The following MEIS2 variants were observed in gnomAD, a reference collection of about 807,000 sequenced individuals.
MEIS2 encodes the protein Meis homeobox 2.
A neutral mutation model predicts 58.6 loss-of-function variants in MEIS2; 9 were observed. That is an observed-to-expected ratio of 0.15 (90% CI 0.09 to 0.27). The LOEUF is 0.27. Among genes scored for constraint, MEIS2 ranks in the 10% least tolerant of loss-of-function variants. The pLI, the probability that MEIS2 is intolerant of heterozygous loss-of-function variation, is 1.00. For synonymous variants in MEIS2, 221 were observed against 228.4 expected (o/e 0.97, Z 0.29); for missense variants, 427 against 635.0 (o/e 0.67, Z 3.52).
At position 37,098,152 on chromosome 15, in the gene MEIS2, G is replaced by A. The variant is rs776634531; in HGVS notation, c.60C>T (p.Pro20=). The A allele has an allele frequency of 9.3e-6, 15 of 1,612,056 alleles. No homozygotes were observed. Among genetic ancestry groups the A allele is most frequent in the South Asian group, 2.2e-5 (2 of 90,830 alleles). Residue 20 remains proline, a synonymous_variant, in exon 2 of 12, where the codon CCC becomes CCT. Coordinates refer to ENST00000561208, the MANE Select transcript of MEIS2 (RefSeq NM_170675.5). ...CGTGAGGGTCTCCGTACATGGAAGC[G>A]GGAACCCCTACTCCGTCCATCCCGC... ...HYGGMDGVGV[P]ASMYGDPHAP... is the part of the protein sequence containing the mutation.
intron 8 of MEIS2, among the ~76,000 whole-genome samples, chr15:36,959,971 T>C (rs1404790190): frequency 6.6e-6 from 1 of 151,900 alleles, no homozygotes; most frequent in Non-Finnish European, 1.5e-5. Context: ...TAGAAGGAAA[T>C]GAGGATTAGT....
rs541050398 is a variant in MEIS2, at chr15:37,043,800, G to C, written c.755-6841C>G. Among the ~76,000 whole-genome samples the C allele has an allele frequency of 2.7e-5, 4 of 149,888 alleles. No individual in the cohort carries two copies. The South Asian group carries it at 8.4e-4, about 31-fold the overall frequency. On this transcript the variant is annotated intron_variant, in intron 7 of 11. Transcript: ENST00000561208. ...CCTCCCTGGTTCAAGCGATTCTCCTGCTTCAGCCTCCCGAGTAGCTAGGAT... is the reference window on the plus strand; with the variant it reads ...CCTCCCTGGTTCAAGCGATTCTCCTCCTTCAGCCTCCCGAGTAGCTAGGAT...
chr15:36,991,747 A>C (rs148033258), intron 8 of MEIS2, among the ~76,000 whole-genome samples: 3 of 148,120 alleles, frequency 2.0e-5, no homozygotes, highest in African/African-American at 7.4e-5. Flanking sequence ...GATGATTAAA[A>C]GTACATATTA....
intron 10 of MEIS2, among the ~76,000 whole-genome samples, chr15:36,895,869 C>T (rs2056148082): frequency 6.6e-6 from 1 of 152,164 alleles, no homozygotes; most frequent in South Asian, 2.1e-4. Flanking sequence ...TAAAGCGAGG[C>T]CACAGGTAAA....
rs766820187 is a variant in MEIS2, at chr15:37,093,530, T to C, written c.639+51A>G. On this transcript the variant is annotated intron_variant, in intron 6 of 11. Coordinates refer to ENST00000561208, the MANE Select transcript of MEIS2 (RefSeq NM_170675.5). ...GCTAGATGTTAAAACAAGGTTAAAA[T>C]AATGCTTTGCCCAGTGGCCTTAAAA... 37 of 1,598,728 alleles carry C rather than the reference T, an allele frequency of 2.3e-5. No individual in the cohort carries two copies. In the South Asian group the frequency reaches 4.0e-4, roughly 17 times the overall value.
At chr15:37,095,748 G>T in intron 3 of MEIS2, 134 bp from the exon 4 acceptor site, 1 of 1,291,464 alleles carries the variant, frequency 7.7e-7, no homozygotes, top group Non-Finnish European at 1.1e-6. Flanking sequence ...GAAAGAAACT[G>T]GTGCCTTAAA....
intron 8 of MEIS2, among the ~76,000 whole-genome samples, chr15:36,972,244 A>T (rs12905712): frequency 0.33 from 49,552 of 152,020 alleles, 8,558 homozygotes; most frequent in Middle Eastern, 0.48. Flanking sequence ...ACCTTAAGAG[A>T]TAAAGTGTAA....
At chr15:36,975,615 T>C (rs897684780) in intron 8 of MEIS2, among the ~76,000 whole-genome samples, 9 of 151,904 alleles carry the variant, frequency 5.9e-5, no homozygotes, top group African/African-American at 9.7e-5. Context: ...AGCTAGTGAG[T>C]GGTGGAGCTG....
intron 9 of MEIS2, among the ~76,000 whole-genome samples, chr15:36,908,412 C>G (rs1220735377): frequency 6.6e-6 from 1 of 152,110 alleles, no homozygotes; most frequent in Non-Finnish European, 1.5e-5. Flanking sequence ...AGTGGATTTT[C>G]CCCCCGATTT....
chr15:37,033,671 G>A (rs531505868), intron 8 of MEIS2, among the ~76,000 whole-genome samples: 4 of 152,142 alleles, frequency 2.6e-5, no homozygotes, highest in Non-Finnish European at 4.4e-5. Flanking sequence ...TTTGAAAGTC[G>A]AAATTAATTA....
At chr15:36,970,918 T>C (rs980312810) in intron 8 of MEIS2, among the ~76,000 whole-genome samples, 1 of 152,170 alleles carries the variant, frequency 6.6e-6, no homozygotes, top group African/African-American at 2.4e-5. Context: ...AACTGCAGTA[T>C]GTATAATTAA....
chr15:37,038,576 G>GC (rs2062263205), intron 7 of MEIS2, among the ~76,000 whole-genome samples: 1 of 152,116 alleles, frequency 6.6e-6, no homozygotes, highest in Admixed American at 6.6e-5. Flanking sequence ...CAACCACCCT[G>GC]CCCCAAGGCA....
chr15:37,006,799 T>C (rs1238056047), intron 8 of MEIS2, among the ~76,000 whole-genome samples: 2 of 152,240 alleles, frequency 1.3e-5, no homozygotes, highest in African/African-American at 2.4e-5. Flanking sequence ...TGGCTAAGTT[T>C]TTAAAGCCAT....
chr15:36,942,062 C>T (rs1205889893), intron 9 of MEIS2, among the ~76,000 whole-genome samples: 2 of 152,114 alleles, frequency 1.3e-5, no homozygotes, highest in East Asian at 1.9e-4. Context: ...TCTCATATCT[C>T]TAAATGTTTA....
intron 8 of MEIS2, among the ~76,000 whole-genome samples, chr15:36,976,171 G>A (rs757334360): frequency 9.7e-4 from 148 of 151,968 alleles, no homozygotes; most frequent in Non-Finnish European, 1.8e-3. Flanking sequence ...TGCAACCTCC[G>A]CCTCTCGGGT....
At chr15:36,930,225 G>C (rs1416363281) in intron 9 of MEIS2, among the ~76,000 whole-genome samples, 2 of 146,348 alleles carry the variant, frequency 1.4e-5, no homozygotes, top group African/African-American at 5.1e-5. Context: ...AAAAAAGAGA[G>C]AGAGAGAGAA....
intron 9 of MEIS2, among the ~76,000 whole-genome samples, chr15:36,944,249 T>G (rs1414238044): frequency 6.6e-6 from 1 of 152,100 alleles, no homozygotes; most frequent in East Asian, 1.9e-4. Context: ...TGGTTAAACA[T>G]TAATAATGTG....
intron 8 of MEIS2, among the ~76,000 whole-genome samples, chr15:36,998,457 G>A (rs8039110): frequency 0.056 from 8,453 of 151,788 alleles, 772 homozygotes; most frequent in African/African-American, 0.19. Flanking sequence ...ATGGACTCAA[G>A]TGATCCTTCC....
intron 7 of MEIS2, among the ~76,000 whole-genome samples, chr15:37,051,317 A>G (rs2141807533): frequency 6.6e-6 from 1 of 152,364 alleles, no homozygotes. Flanking sequence ...TACCCCCAGC[A>G]TGGTACATTT....
Sources: allele counts gnomAD v4.1 joint callset (sites outside exome capture counted in the v4.1 genomes callset), GRCh38; gene constraint gnomAD v4.1.1; transcripts MANE v1.5; gene names NCBI Gene and HGNC (gene_info 2026-07-23, HGNC 2026-07-21).